Variants in SLC4A10 observed in about 807,000 individuals in gnomAD.
SLC4A10 encodes solute carrier family 4 member 10, also known as sodium-driven chloride bicarbonate exchanger.
A neutral mutation model predicts 137.7 loss-of-function variants in SLC4A10; 42 were observed. The ratio of observed to expected loss-of-function variants is 0.30; its 90% CI spans 0.24 to 0.39. SLC4A10 has a LOEUF of 0.39. SLC4A10 is among the 10% of genes least tolerant of loss of function. SLC4A10 has a pLI of 1.00. For synonymous variants in SLC4A10, 474 were observed against 464.1 expected (o/e 1.02, Z -0.27); for missense variants, 925 against 1,355.0 (o/e 0.68, Z 4.98).
chr2:161,647,811 C>G (rs981340642), intron 1 of SLC4A10, among the ~76,000 whole-genome samples: 2 of 152,202 alleles, frequency 1.3e-5, no homozygotes, highest in African/African-American at 4.8e-5. Context: ...TAAATCTTCT[C>G]TCTGTCATCC....
chr2:161,903,566 A>G (rs1683620530), intron 12 of SLC4A10, among the ~76,000 whole-genome samples: 1 of 152,176 alleles, frequency 6.6e-6, no homozygotes, highest in Admixed American at 6.5e-5. Flanking sequence ...CTACTGGAGT[A>G]TACAAAAGCC....
chr2:161,766,456 C>G (rs1038653386), intron 1 of SLC4A10, among the ~76,000 whole-genome samples: 2 of 152,068 alleles, frequency 1.3e-5, no homozygotes, highest in African/African-American at 4.8e-5. Flanking sequence ...GCCTTTTACA[C>G]AAAGCTTTCC....
chr2:161,840,308 T>G (rs2059103002), intron 4 of SLC4A10, among the ~76,000 whole-genome samples: 1 of 152,238 alleles, frequency 6.6e-6, no homozygotes, highest in Admixed American at 6.5e-5. Flanking sequence ...GGGCAAATAT[T>G]ATGATAAAAT....
chr2:161,761,305 A>AT (rs1427050925), intron 1 of SLC4A10, among the ~76,000 whole-genome samples: 1 of 152,118 alleles, frequency 6.6e-6, no homozygotes, highest in Non-Finnish European at 1.5e-5. Flanking sequence ...CTCAAGGAGT[A>AT]TGTGGCAGAT....
At chr2:161,890,463 CTGGGTGCTCCTGTAT>C (rs1297722997) in intron 10 of SLC4A10, among the ~76,000 whole-genome samples, 2 of 152,130 alleles carry the variant, frequency 1.3e-5, no homozygotes, top group African/African-American at 2.4e-5. Flanking sequence ...CTTTATGAAT[CTGGGTGCTCCTGTAT>C]TGGGTGCATA....
intron 1 of SLC4A10, among the ~76,000 whole-genome samples, chr2:161,759,804 C>T (rs902005396): frequency 1.4e-4 from 21 of 152,066 alleles, no homozygotes; most frequent in African/African-American, 5.1e-4. Context: ...TTTTCCCATC[C>T]TATAGGTTGC....
intron 1 of SLC4A10, among the ~76,000 whole-genome samples, chr2:161,708,490 T>C (rs2125047034): frequency 6.6e-6 from 1 of 151,732 alleles, no homozygotes; most frequent in East Asian, 1.9e-4. Flanking sequence ...TCATTCTCTG[T>C]TTCGATGATG....
chr2:161,709,200 C>T (rs1048265104), intron 1 of SLC4A10, among the ~76,000 whole-genome samples: 4 of 151,394 alleles, frequency 2.6e-5, no homozygotes, highest in East Asian at 3.9e-4. Flanking sequence ...TAGTATAAAT[C>T]GATCAAACTG....
At chr2:161,878,046 A>AT (rs1222373467) in intron 8 of SLC4A10, among the ~76,000 whole-genome samples, 2 of 152,144 alleles carry the variant, frequency 1.3e-5, no homozygotes, top group South Asian at 2.1e-4. Context: ...ATTACTATGG[A>AT]TTTTTTCATT....
At chr2:161,747,668 A>G (rs1477034278) in intron 1 of SLC4A10, among the ~76,000 whole-genome samples, 1 of 152,028 alleles carries the variant, frequency 6.6e-6, no homozygotes, top group Non-Finnish European at 1.5e-5. Context: ...TTCCTGGAAG[A>G]CTGAATGTTA....
At chr2:161,875,307 G>A (rs937171114) in intron 8 of SLC4A10, among the ~76,000 whole-genome samples, 1 of 152,034 alleles carries the variant, frequency 6.6e-6, no homozygotes, top group African/African-American at 2.4e-5. Context: ...CTAGTCTCCA[G>A]GTTAGTTCTC....
intron 8 of SLC4A10, among the ~76,000 whole-genome samples, chr2:161,876,471 G>A: frequency 6.6e-6 from 1 of 152,112 alleles, no homozygotes; most frequent in Non-Finnish European, 1.5e-5. Context: ...TTGAGCTTAG[G>A]AGTTCGAGAT....
At chr2:161,752,400 G>C (rs1270639609) in intron 1 of SLC4A10, among the ~76,000 whole-genome samples, 1 of 151,950 alleles carries the variant, frequency 6.6e-6, no homozygotes, top group Non-Finnish European at 1.5e-5. Flanking sequence ...GGTGATGAAT[G>C]GTAGTTTAAA....
Position 161,783,098 on chromosome 2 carries a change from G to A in SLC4A10, c.130+12044G>A, listed in dbSNP as rs562142174. 3.9e-5 allele frequency among the ~76,000 whole-genome samples: 6 copies of A among 151,996 alleles called. No individual in the cohort carries two copies. The South Asian group carries it at 6.2e-4, about 16-fold the overall frequency. On this transcript the variant is annotated intron_variant, in intron 2 of 26. Transcript: ENST00000446997. ...AGCAACAAGGGAAAAGTTACTTGTC[G>A]GGTACAAGGGAAATTTCATAAGAGT...
intron 1 of SLC4A10, among the ~76,000 whole-genome samples, chr2:161,678,031 A>C (rs1027000860): frequency 3.3e-5 from 5 of 152,060 alleles, no homozygotes; most frequent in African/African-American, 1.2e-4. Context: ...TTTTTTGCCC[A>C]TTATTTTCAC....
chr2:161,974,097 A>G (rs1698996795), intron 23 of SLC4A10, among the ~76,000 whole-genome samples, 152 bp from the exon 24 acceptor site: 1 of 152,214 alleles, frequency 6.6e-6, no homozygotes, highest in Non-Finnish European at 1.5e-5. Context: ...CTGATACTTT[A>G]TTGAAAGGAC....
chr2:161,763,476 G>A (rs1454904694), intron 1 of SLC4A10, among the ~76,000 whole-genome samples: 5 of 152,110 alleles, frequency 3.3e-5, no homozygotes, highest in Admixed American at 3.3e-4. Flanking sequence ...GCAGGATAAA[G>A]GGAAATCAAC....
intron 11 of SLC4A10, among the ~76,000 whole-genome samples, chr2:161,899,780 C>T (rs373257384): frequency 7.9e-5 from 12 of 152,170 alleles, no homozygotes; most frequent in African/African-American, 2.6e-4. Context: ...ATCCTATTTA[C>T]CTGTAAAGAC....
chr2:161,818,444 C>T (rs944384646), intron 3 of SLC4A10, among the ~76,000 whole-genome samples: 2 of 152,164 alleles, frequency 1.3e-5, no homozygotes, highest in African/African-American at 4.8e-5. Flanking sequence ...AATGTGACTT[C>T]TTTTCCTAAT....
Sources: allele counts gnomAD v4.1 joint callset (sites outside exome capture counted in the v4.1 genomes callset), GRCh38; gene constraint gnomAD v4.1.1; transcripts MANE v1.5; gene names NCBI Gene and HGNC (gene_info 2026-07-23, HGNC 2026-07-21).